Variants in ARHGAP26 observed in about 807,000 individuals in gnomAD.
The protein encoded by ARHGAP26 is rho GTPase-activating protein 26.
In ARHGAP26, 38 loss-of-function variants were observed where a neutral mutation model predicts 104.8. That is an observed-to-expected ratio of 0.36 (90% CI 0.28 to 0.48). The LOEUF is 0.48. Among genes scored for constraint, ARHGAP26 ranks in the 20% least tolerant of loss-of-function variants. ARHGAP26 has a pLI of 0.99. For synonymous variants in ARHGAP26, 341 were observed against 340.0 expected, an observed-to-expected ratio of 1.00 and a Z score of -0.03; for missense variants, 704 against 947.9, an observed-to-expected ratio of 0.74 and a Z score of 3.38.
chr5:143,046,500 T>C (rs12332305), intron 14 of ARHGAP26, among the ~76,000 whole-genome samples: 2,622 of 152,276 alleles, frequency 0.017, 81 homozygotes, highest in African/African-American at 0.059. Context: ...GCAAGTGCAG[T>C]GTGGCTTTGT....
intron 20 of ARHGAP26, among the ~76,000 whole-genome samples, chr5:143,184,453 TG>T (rs1804845272): frequency 6.6e-6 from 1 of 152,048 alleles, no homozygotes; most frequent in Non-Finnish European, 1.5e-5. Flanking sequence ...GTGCCGTGGG[TG>T]GGGGTCTGTG....
intron 20 of ARHGAP26, among the ~76,000 whole-genome samples, chr5:143,161,867 GC>G (rs1369695736): frequency 2.0e-5 from 3 of 152,170 alleles, no homozygotes. Flanking sequence ...AAATTGGAAA[GC>G]CCTGTTCAGT....
intron 1 of ARHGAP26, among the ~76,000 whole-genome samples, chr5:142,807,656 T>G (rs1041334377): frequency 8.5e-5 from 13 of 152,174 alleles, no homozygotes; most frequent in African/African-American, 2.9e-4. Context: ...TGTTGATACA[T>G]TCCCAGAATG....
rs769433884 is a variant in ARHGAP26, at chr5:142,937,838, A to G, written c.1107+5713A>G. On this transcript the variant is annotated intron_variant, in intron 11 of 22. Coordinates refer to ENST00000645722, the MANE Select transcript of ARHGAP26 (RefSeq NM_001135608.3). Reference sequence around the variant, plus strand: ...GTAACATTTTTGAAGTGACAGTTTTAGAAATGGAGAATGGAATAGTGATAT... The same window carrying G: ...GTAACATTTTTGAAGTGACAGTTTTGGAAATGGAGAATGGAATAGTGATAT... Among the ~76,000 whole-genome samples, 36 of 152,322 alleles carry G rather than the reference A, an allele frequency of 2.4e-4. 2 individuals are homozygous for G. The Middle Eastern group carries it at 0.031, about 130-fold the overall frequency.
At position 143,222,963 on chromosome 5, in the gene ARHGAP26, T is replaced by G. The variant is rs1254487148; in HGVS notation, c.*517T>G. The G allele has an allele frequency of 4.3e-6, 1 of 233,202 alleles. No individual in the cohort carries two copies. The highest frequency in any genetic ancestry group is 8.5e-6 in the Non-Finnish European group (1 of 117,884). The allele number at this position is 233,202 out of a possible 1,614,324, so 14.4% of individuals were successfully genotyped here. A position where few individuals can be genotyped will look rare whatever the true frequency, so the allele number is the denominator to read the frequency against. On this transcript the variant is annotated 3_prime_UTR_variant, in exon 23 of 23. Coordinates refer to ENST00000645722, the MANE Select transcript of ARHGAP26 (RefSeq NM_001135608.3). ...CTACAGGCAGCTGGATCTGTTTGCA[T>G]GCAGGATGAAGAGGGTTAAAACACT... is the stretch of plus-strand genomic sequence containing the variant.
chr5:142,834,420 A>T (rs1298122033), intron 1 of ARHGAP26, among the ~76,000 whole-genome samples: 2 of 152,248 alleles, frequency 1.3e-5, no homozygotes, highest in African/African-American at 2.4e-5. Context: ...AACTTATTTT[A>T]AAAATTAAAT....
chr5:142,827,550 A>G (rs1285512812), intron 1 of ARHGAP26, among the ~76,000 whole-genome samples: 4 of 152,188 alleles, frequency 2.6e-5, no homozygotes, highest in Non-Finnish European at 5.9e-5. Flanking sequence ...GTGTAGGTTA[A>G]GAGCATGGGC....
At chr5:142,780,906 G>C (rs995709770) in intron 1 of ARHGAP26, among the ~76,000 whole-genome samples, 1 of 152,230 alleles carries the variant, frequency 6.6e-6, no homozygotes, top group East Asian at 1.9e-4. Context: ...CTCTCTGGCA[G>C]CTTCTCCTGC....
chr5:142,793,744 T>A (rs148092916), intron 1 of ARHGAP26, among the ~76,000 whole-genome samples: 5,046 of 152,064 alleles, frequency 0.033, 190 homozygotes, highest in East Asian at 0.18. Context: ...TGCGCCACCA[T>A]GCCTAGCTAA....
intron 1 of ARHGAP26, among the ~76,000 whole-genome samples, chr5:142,788,917 AC>A (rs1759211421): frequency 6.6e-6 from 1 of 152,244 alleles, no homozygotes; most frequent in Admixed American, 6.5e-5. Context: ...AACCTTCACA[AC>A]AGTCTTAATG....
chr5:142,949,401 C>T (rs181865), intron 11 of ARHGAP26, among the ~76,000 whole-genome samples: 72,756 of 151,596 alleles, frequency 0.48, 21,488 homozygotes, highest in East Asian at 0.91. Context: ...TTTTTGCCAC[C>T]GTCATCTCTC....
At chr5:143,130,193 G>A (rs1382404657) in intron 18 of ARHGAP26, among the ~76,000 whole-genome samples, 4 of 152,176 alleles carry the variant, frequency 2.6e-5, no homozygotes, top group South Asian at 2.1e-4. Context: ...AGCTTAAGGC[G>A]AAACAGTAGC....
chr5:142,901,752 G>T (rs544328112), intron 6 of ARHGAP26, among the ~76,000 whole-genome samples, 183 bp from the exon 7 acceptor site: 2 of 152,342 alleles, frequency 1.3e-5, no homozygotes, highest in African/African-American at 4.8e-5. Context: ...ATGGGATGTT[G>T]TGAGTACTCA....
At chr5:142,875,288 C>G in intron 3 of ARHGAP26, 117 bp downstream of exon 3, 3 of 1,018,854 alleles carry the variant, frequency 2.9e-6, no homozygotes, top group Non-Finnish European at 4.6e-6. Context: ...ATGTTTTGAG[C>G]TCTTCAGCAA....
intron 1 of ARHGAP26, among the ~76,000 whole-genome samples, chr5:142,777,562 C>T (rs966747295): frequency 1.3e-5 from 2 of 152,220 alleles, no homozygotes; most frequent in African/African-American, 2.4e-5. Flanking sequence ...GAGTGAGCCT[C>T]GTTTTACCTT....
At chr5:142,899,638 G>T (rs145302017) in intron 6 of ARHGAP26, among the ~76,000 whole-genome samples, 1 of 152,062 alleles carries the variant, frequency 6.6e-6, no homozygotes, top group Non-Finnish European at 1.5e-5. Context: ...CTGGAGTCCC[G>T]TGGGCTTCAT....
chr5:143,121,266 T>C (rs1796100737), intron 18 of ARHGAP26, 119 bp downstream of exon 18: 8 of 1,043,512 alleles, frequency 7.7e-6, no homozygotes, highest in Non-Finnish European at 9.3e-6. Context: ...GTCATGACGA[T>C]GAAGTTGCTG....
At chr5:143,093,566 CTT>C (rs1168295260) in intron 17 of ARHGAP26, among the ~76,000 whole-genome samples, 1 of 152,056 alleles carries the variant, frequency 6.6e-6, no homozygotes, top group South Asian at 2.1e-4. Flanking sequence ...TTGTGTCTCT[CTT>C]TCTCTCTCTC....
chr5:142,868,922 C>A (rs1184531354), intron 1 of ARHGAP26: 1 of 152,624 alleles, frequency 6.6e-6, no homozygotes, highest in African/African-American at 2.4e-5. Context: ...TCACATCGTA[C>A]AACAGGTTTG....
Sources: allele counts gnomAD v4.1 joint callset (sites outside exome capture counted in the v4.1 genomes callset), GRCh38; gene constraint gnomAD v4.1.1; transcripts MANE v1.5; gene names NCBI Gene and HGNC (gene_info 2026-07-23, HGNC 2026-07-21).